The following WDR27 variants were observed in gnomAD, a reference collection of about 807,000 sequenced individuals.
The protein encoded by WDR27 is WD repeat-containing protein 27.
WDR27 carries 100 observed loss-of-function variants against 114.4 expected under a neutral mutation model. That is an observed-to-expected ratio of 0.87 (90% CI 0.74 to 1.03). The LOEUF is 1.03. Ranked by LOEUF, WDR27 falls within the 50% of genes least tolerant of loss-of-function variation. The pLI, the probability that WDR27 is intolerant of heterozygous loss-of-function variation, is 0.00. For synonymous variants in WDR27, 449 were observed against 423.1 expected (o/e 1.06, Z -0.75); for missense variants, 1,129 against 1,092.9 (o/e 1.03, Z -0.47).
intron 25 of WDR27, among the ~76,000 whole-genome samples, chr6:169,543,882 A>T (rs964497121): frequency 3.3e-5 from 5 of 152,220 alleles, no homozygotes; most frequent in African/African-American, 1.2e-4. Context: ...ATGATTTTGT[A>T]ACAACATGCA....
chr6:169,479,292 AT>A (rs1787618121), intron 25 of WDR27, among the ~76,000 whole-genome samples: 1 of 152,220 alleles, frequency 6.6e-6, no homozygotes, highest in Non-Finnish European at 1.5e-5. Context: ...AGAAATGTTC[AT>A]TATCAGAAAT....
intron 25 of WDR27, among the ~76,000 whole-genome samples, chr6:169,485,802 T>C (rs1788804793): frequency 6.6e-6 from 1 of 152,198 alleles, no homozygotes; most frequent in African/African-American, 2.4e-5. Context: ...ACGTGGGACA[T>C]ATACGCCACA....
intron 25 of WDR27, among the ~76,000 whole-genome samples, chr6:169,496,340 T>C (rs1790404440): frequency 6.6e-6 from 1 of 152,064 alleles, no homozygotes; most frequent in African/African-American, 2.4e-5. Context: ...AGAGCAAACA[T>C]CTTATTCAAT....
At chr6:169,576,442 A>G (rs1802347279) in intron 24 of WDR27, among the ~76,000 whole-genome samples, 1 of 152,218 alleles carries the variant, frequency 6.6e-6, no homozygotes, top group Non-Finnish European at 1.5e-5. Context: ...ACAAAACTCA[A>G]AGATGAAGAT....
chr6:169,511,747 T>C (rs893567808), intron 25 of WDR27, among the ~76,000 whole-genome samples: 7 of 152,176 alleles, frequency 4.6e-5, no homozygotes, highest in African/African-American at 1.7e-4. Flanking sequence ...AGTACCCAAA[T>C]TATACTTAAT....
intron 25 of WDR27, 46 bp downstream of exon 25, chr6:169,572,373 G>A (rs10945438): frequency 0.46 from 69,255 of 151,564 alleles, 19,765 homozygotes; most frequent in Non-Finnish European, 0.65. Context: ...GTGAAACCCC[G>A]TCTCTACTAA....
intron 25 of WDR27, among the ~76,000 whole-genome samples, chr6:169,505,188 T>C (rs1219818972): frequency 6.6e-6 from 1 of 152,214 alleles, no homozygotes; most frequent in Non-Finnish European, 1.5e-5. Context: ...ATACTGCTCA[T>C]TAAGTTATTG....
At chr6:169,668,521 C>T in intron 4 of WDR27, 2 of 217,740 alleles carry the variant, frequency 9.2e-6, no homozygotes, top group Non-Finnish European at 1.8e-5. Context: ...GCAATAGGCG[C>T]TCATGAGTTA....
In WDR27 at chr6:169,613,594, G is replaced by A. The variant is rs748384402; in HGVS notation, c.2286C>T (p.Gly762=). The change falls in exon 22 of 26, where the codon GGC becomes GGT. Residue 762 remains glycine, a synonymous_variant. Transcript: ENST00000448612. ...AYNLFLTTAI[G]DGMRLWDLRT... ...TCAGGTCCCACAGTCTCATCCCATC[G>A]CCAATGGCCGTGGTCAGGAAAAGGT... 18 of 1,613,770 alleles carry A rather than the reference G, an allele frequency of 1.1e-5. No individual in the cohort carries two copies. Among genetic ancestry groups the A allele is most frequent in the Admixed American group, 5.0e-5 (3 of 60,008 alleles).
intron 25 of WDR27, among the ~76,000 whole-genome samples, 198 bp from the exon 26 acceptor site, chr6:169,457,832 C>T (rs142587651): frequency 1.2e-4 from 19 of 152,190 alleles, no homozygotes; most frequent in African/African-American, 4.3e-4. Flanking sequence ...CTACATTTCA[C>T]TGCTGTTTTA....
rs184693858 is a variant in WDR27 at position 169,462,865 on chromosome 6, A to G, written c.2646-5231T>C. Among the ~76,000 whole-genome samples, 482 of 152,334 alleles carry G rather than the reference A, an allele frequency of 3.2e-3. 5 individuals carry two copies. The highest frequency in any genetic ancestry group is 3.5e-3 in the Non-Finnish European group (235 of 68,026). ...ATAAAATTAATGATACAAAACCCAC[A>G]TGATCATCTCAATTTATGCAGAAAA... is the stretch of plus-strand genomic sequence containing the variant. On this transcript the variant is annotated intron_variant, in intron 25 of 25. Transcript: ENST00000448612.
intron 23 of WDR27, among the ~76,000 whole-genome samples, chr6:169,591,643 G>A (rs1280699945): frequency 2.0e-5 from 3 of 151,988 alleles, no homozygotes; most frequent in Non-Finnish European, 4.4e-5. Flanking sequence ...AATGATGAGG[G>A]TTTAGATATA....
chr6:169,661,035 C>T (rs1194129021), intron 9 of WDR27, among the ~76,000 whole-genome samples: 1 of 152,156 alleles, frequency 6.6e-6, no homozygotes, highest in African/African-American at 2.4e-5. Flanking sequence ...GCCCCCTGGC[C>T]TGGCTGTGAG....
At chr6:169,523,919 A>G (rs1366660662) in intron 25 of WDR27, among the ~76,000 whole-genome samples, 1 of 152,188 alleles carries the variant, frequency 6.6e-6, no homozygotes, top group Non-Finnish European at 1.5e-5. Context: ...TTTTTTCCAC[A>G]TAGTCCTGGA....
chr6:169,630,487 C>T (rs933300604), intron 21 of WDR27, among the ~76,000 whole-genome samples: 2 of 152,212 alleles, frequency 1.3e-5, no homozygotes, highest in Non-Finnish European at 2.9e-5. Flanking sequence ...GTGGAAGTTT[C>T]ACTAAATAAA....
At chr6:169,521,581 CAAT>C (rs1346960340) in intron 25 of WDR27, among the ~76,000 whole-genome samples, 2 of 151,892 alleles carry the variant, frequency 1.3e-5, no homozygotes, top group Non-Finnish European at 1.5e-5. Flanking sequence ...ATTTCAAAAA[CAAT>C]AATAGCTACA....
At chr6:169,479,122 C>T (rs1787592021) in intron 25 of WDR27, among the ~76,000 whole-genome samples, 1 of 152,222 alleles carries the variant, frequency 6.6e-6, no homozygotes, top group African/African-American at 2.4e-5. Context: ...AGCAAAAAGA[C>T]AATCTTTTGC....
chr6:169,689,276 G>C, intron 1 of WDR27: 1 of 301,158 alleles, frequency 3.3e-6, no homozygotes, highest in Non-Finnish European at 6.2e-6. Flanking sequence ...ACTTCACAGA[G>C]CCTGCTTAGG....
At position 169,643,786 on chromosome 6, in the gene WDR27, C is replaced by T. The variant is rs1309868552; in HGVS notation, c.1658G>A (p.Gly553Glu). 1 of 1,610,816 alleles carries T rather than the reference C, an allele frequency of 6.2e-7. No homozygotes were observed. The highest frequency in any genetic ancestry group is 1.1e-5 in the South Asian group (1 of 90,786). ...CCCACAGGCCAGCCACTGCCCATCT[C>T]CTGTTAAAAGAATTTTAAAAAAAGA... ...CTRVCCIQYS[G>E]DGQWLACGLA... The change falls in exon 17 of 26, where the codon GGA becomes GAA. Residue 553 changes from glycine to glutamate, a missense_variant and splice_region_variant. Coordinates refer to ENST00000448612, the MANE Select transcript of WDR27 (RefSeq NM_182552.5).
Sources: allele counts gnomAD v4.1 joint callset (sites outside exome capture counted in the v4.1 genomes callset), GRCh38; gene constraint gnomAD v4.1.1; transcripts MANE v1.5; gene names NCBI Gene and HGNC (gene_info 2026-07-23, HGNC 2026-07-21).